The following RBM20 variants were observed in gnomAD, a reference collection of about 807,000 sequenced individuals.
RBM20 encodes RNA-binding protein 20.
In RBM20, 51 loss-of-function variants were observed where a neutral mutation model predicts 110.1. The observed-to-expected ratio is 0.46, with a 90% confidence interval of 0.37 to 0.59. The LOEUF (loss-of-function observed/expected upper bound fraction) is 0.59, where lower values mean the gene tolerates loss of function less well. RBM20 is among the 20% of genes least tolerant of loss of function. The pLI, the probability that RBM20 is intolerant of heterozygous loss-of-function variation, is 0.00. For synonymous variants in RBM20, 589 were observed against 618.2 expected, an observed-to-expected ratio of 0.95 and a Z score of 0.70; for missense variants, 1,512 against 1,574.9, an observed-to-expected ratio of 0.96 and a Z score of 0.68.
intron 1 of RBM20, among the ~76,000 whole-genome samples, chr10:110,767,260 G>T: frequency 7.3e-6 from 1 of 137,564 alleles, no homozygotes; most frequent in Non-Finnish European, 1.6e-5. Context: ...GCCGGGCAGA[G>T]GGGCTCCTCA....
At chr10:110,798,725 A>G (rs12265705) in intron 6 of RBM20, among the ~76,000 whole-genome samples, 152,300 of 152,324 alleles carry the variant, frequency 1, 76,138 homozygotes, top group Non-Finnish European at 1. Context: ...GAGAAGGAAG[A>G]GAATGAGCTT....
rs1251223701 is a variant in RBM20 at position 110,739,128 on chromosome 10, C to A, written c.192-41673C>A. On this transcript the variant is annotated intron_variant, in intron 1 of 13. Coordinates refer to ENST00000369519, the MANE Select transcript of RBM20 (RefSeq NM_001134363.3). The surrounding 1 kb of genome is among the most constrained non-coding windows in gnomAD (Gnocchi z 4.1). ...GCTGGGCACAGGATCAGATGGATGT[C>A]TTTCTGTCTGTTGACAGGTCCTCCT... Among the ~76,000 whole-genome samples, 4 of 152,142 alleles carry A rather than the reference C, an allele frequency of 2.6e-5. No individual in the cohort carries two copies. Among genetic ancestry groups the A allele is most frequent in the Non-Finnish European group, 5.9e-5 (4 of 68,028 alleles).
intron 7 of RBM20, among the ~76,000 whole-genome samples, chr10:110,808,382 C>A (rs1844722106): frequency 6.6e-6 from 1 of 152,202 alleles, no homozygotes; most frequent in African/African-American, 2.4e-5. Context: ...GAGGCCAGTG[C>A]AAGTCTTGGG....
intron 9 of RBM20, among the ~76,000 whole-genome samples, chr10:110,818,494 T>G (rs1844870092): frequency 6.6e-6 from 1 of 152,110 alleles, no homozygotes; most frequent in Non-Finnish European, 1.5e-5. Context: ...CGTTTCAGTC[T>G]CAGTCTGTGA....
intron 1 of RBM20, among the ~76,000 whole-genome samples, chr10:110,670,759 T>C (rs1862245622): frequency 6.6e-6 from 1 of 152,192 alleles, no homozygotes; most frequent in Non-Finnish European, 1.5e-5. Flanking sequence ...CTTCAGTTTC[T>C]CCAAACTTTA....
chr10:110,645,523 C>T (rs2134795089), intron 1 of RBM20, among the ~76,000 whole-genome samples: 1 of 152,334 alleles, frequency 6.6e-6, no homozygotes, highest in Non-Finnish European at 1.5e-5. Context: ...AAACTGACAA[C>T]ACTAAATAAA....
chr10:110,825,709 A>C (rs1024179907), intron 12 of RBM20, among the ~76,000 whole-genome samples: 1 of 152,210 alleles, frequency 6.6e-6, no homozygotes, highest in South Asian at 2.1e-4. Flanking sequence ...CTGCTGGTGA[A>C]CAGTTAGGCT....
chr10:110,795,108 A>T (rs1418460863), intron 5 of RBM20, among the ~76,000 whole-genome samples: 1 of 152,222 alleles, frequency 6.6e-6, no homozygotes, highest in Non-Finnish European at 1.5e-5. Context: ...CCTCGCTAAG[A>T]GACCAGGCAG....
chr10:110,809,162 A>T (rs1327727294), intron 7 of RBM20, among the ~76,000 whole-genome samples: 4 of 143,234 alleles, frequency 2.8e-5, no homozygotes, highest in African/African-American at 7.7e-5. Flanking sequence ...GCTTTCAGTG[A>T]GCTGTGATTG....
chr10:110,644,291 G>A, upstream of RBM20: 1 of 483,128 alleles, frequency 2.1e-6, no homozygotes, highest in Non-Finnish European at 3.5e-6. This position sits in a 1 kb window ranked among gnomAD's most constrained non-coding sequence, Gnocchi z 4.3. Flanking sequence ...GGAGGAGGCG[G>A]CGCCGCCAGG....
At chr10:110,826,889 G>A (rs560452698) in intron 12 of RBM20, among the ~76,000 whole-genome samples, 5 of 152,190 alleles carry the variant, frequency 3.3e-5, no homozygotes, top group East Asian at 1.9e-4. Context: ...CACCGTGCCC[G>A]GCCAGTCTGT....
Position 110,781,226 on chromosome 10 carries a change from C to A in RBM20, c.617C>A (p.Thr206Asn), listed in dbSNP as rs1844340458. 1.3e-6 allele frequency: 2 copies of A among 1,551,560 alleles called. No individual in the cohort carries two copies. Among genetic ancestry groups the A allele is most frequent in the East Asian group, 2.4e-5 (1 of 40,934 alleles). Residue 206 changes from threonine to asparagine, a missense_variant, in exon 2 of 14, where the codon ACC becomes AAC. Around this residue, in one of 3 missense-constraint regions of RBM20, gnomAD observed 1,149 missense variants for 1,169.4 expected, o/e 0.98. Coordinates refer to ENST00000369519, the MANE Select transcript of RBM20 (RefSeq NM_001134363.3). Reference protein sequence around the residue: ...MHPFTGVMPQTPGQPAVILGI... With the variant: ...MHPFTGVMPQNPGQPAVILGI... ...CCTTTCACTGGGGTAATGCCTCAGA[C>A]CCCTGGCCAGCCAGCAGTCATCTTG...
At position 110,836,148 on chromosome 10, in the gene RBM20, T is replaced by C. The variant is rs902415505; in HGVS notation, c.*170T>C. The C allele has an allele frequency of 2.0e-6, 1 of 490,444 alleles. No individual in the cohort carries two copies. The highest frequency in any genetic ancestry group is 3.6e-6 in the Non-Finnish European group (1 of 278,036). 30.4% of individuals were successfully genotyped at this position (490,444 alleles called of 1,614,324 possible). A position where few individuals can be genotyped will look rare whatever the true frequency, so the allele number is the denominator to read the frequency against. ...GAGACTCAGTGAAATGCCCCTGATA[T>C]GTCTCCAGGAGCAAGTCACCCAGGT... On this transcript the variant is annotated 3_prime_UTR_variant, in exon 14 of 14. Transcript: ENST00000369519.
intron 1 of RBM20, among the ~76,000 whole-genome samples, chr10:110,726,555 CT>C (rs1249564361): frequency 1.3e-5 from 2 of 152,164 alleles, no homozygotes; most frequent in African/African-American, 4.8e-5. Context: ...GCCCTCTAAG[CT>C]ACTCAGTGTC....
intron 8 of RBM20, among the ~76,000 whole-genome samples, 191 bp from the exon 9 acceptor site, chr10:110,812,087 C>G (rs1439046718): frequency 6.6e-6 from 1 of 152,220 alleles, no homozygotes; most frequent in Non-Finnish European, 1.5e-5. Flanking sequence ...GAGAAGTCCT[C>G]TGCACGGAAG....
At position 110,668,631 on chromosome 10, in the gene RBM20, G is replaced by A. The variant is rs78382042; in HGVS notation, c.191+23986G>A. ...GGAAAAAAAAAACTGAACAAGTGTCGTTCCTGCCCAGAGAGTTTGCGATGA... is the reference window on the plus strand; with the variant it reads ...GGAAAAAAAAAACTGAACAAGTGTCATTCCTGCCCAGAGAGTTTGCGATGA... On this transcript the variant is annotated intron_variant, in intron 1 of 13. Transcript: ENST00000369519. Among the ~76,000 whole-genome samples the A allele has an allele frequency of 3.2e-3, 484 of 152,104 alleles. 1 individual carries two copies. The highest frequency in any genetic ancestry group is 6.8e-3 in the Middle Eastern group (2 of 294).
chr10:110,668,429 T>C (rs1291051562), intron 1 of RBM20, among the ~76,000 whole-genome samples: 1 of 152,208 alleles, frequency 6.6e-6, no homozygotes, highest in Non-Finnish European at 1.5e-5. Flanking sequence ...CATTTTGTGA[T>C]GCGTAAAGTC....
intron 1 of RBM20, among the ~76,000 whole-genome samples, chr10:110,668,340 G>T (rs1007969154): frequency 2.0e-5 from 3 of 152,214 alleles, no homozygotes; most frequent in African/African-American, 7.2e-5. Context: ...ACTTACTTTG[G>T]AAGGTTAAGG....
chr10:110,718,318 A>T (rs1382857987), intron 1 of RBM20, among the ~76,000 whole-genome samples: 1 of 152,216 alleles, frequency 6.6e-6, no homozygotes, highest in Non-Finnish European at 1.5e-5. Flanking sequence ...ACATTCAGGC[A>T]TCTTAGTTTT....
Sources: allele counts gnomAD v4.1 joint callset (sites outside exome capture counted in the v4.1 genomes callset), GRCh38; gene constraint gnomAD v4.1.1; regional missense constraint gnomAD v4.1.1; non-coding constraint Gnocchi (gnomAD v3.1); transcripts MANE v1.5; gene names NCBI Gene and HGNC (gene_info 2026-07-23, HGNC 2026-07-21).